The following RNF44 variants were observed in gnomAD, a reference collection of about 807,000 sequenced individuals.
RNF44 encodes the protein ring finger protein 44.
RNF44 carries 25 observed loss-of-function variants against 53.6 expected under a neutral mutation model. That is an observed-to-expected ratio of 0.47 (90% confidence interval 0.34 to 0.65). RNF44 has a LOEUF of 0.65. RNF44 is among the 30% of genes least tolerant of loss of function. RNF44 has a pLI of 0.01. For synonymous variants in RNF44, 282 were observed against 252.2 expected, an observed-to-expected ratio of 1.12 and a Z score of -1.12; for missense variants, 581 against 595.5, an observed-to-expected ratio of 0.98 and a Z score of 0.25.
chr5:176,529,695 C>A, intron 8 of RNF44, 36 bp downstream of exon 8: 1 of 1,610,446 alleles, frequency 6.2e-7, no homozygotes, highest in Non-Finnish European at 8.5e-7. Context: ...TGCAGGTCTC[C>A]CAAACCCCAC....
rs1441185681 is a variant in RNF44 at position 176,528,768 on chromosome 5, G to A, written c.*260C>T. 8.9e-6 allele frequency: 5 copies of A among 564,396 alleles called. No individual in the cohort carries two copies. In the East Asian group the frequency reaches 1.2e-4, roughly 13 times the overall value. 35.0% of individuals were successfully genotyped at this position (564,396 alleles called of 1,614,324 possible). A position where few individuals can be genotyped will look rare whatever the true frequency, so the allele number is the denominator to read the frequency against. On this transcript the variant is annotated 3_prime_UTR_variant, in exon 11 of 11. Transcript: ENST00000274811. ...GGAGGGACCTGAGGGTGCACAGGAG[G>A]GAGACCCGATCAGGGACACTCAGGC...
Position 176,530,975 on chromosome 5 carries a change from G to A in RNF44, c.512C>T (p.Ala171Val), listed in dbSNP as rs1171807558. The A allele has an allele frequency of 1.4e-5, 20 of 1,457,812 alleles. 1 individual carries two copies. The South Asian group carries it at 3.0e-4, about 22-fold the overall frequency. The allele number at this position is 1,457,812 out of a possible 1,614,324, so 90.3% of individuals were successfully genotyped here. A position where few individuals can be genotyped will look rare whatever the true frequency, so the allele number is the denominator to read the frequency against. ...TMQQLPVPYQ[A>V]YPHLISSDHY... ...GTCACTGGAGATGAGGTGGGGGTAG[G>A]CCTGATAGGGCACAGGCAGCTGCTG... Residue 171 changes from alanine to valine, a missense_variant, in exon 5 of 11, where the codon GCC (alanine) becomes GTC (valine). Coordinates refer to ENST00000274811, the MANE Select transcript of RNF44 (RefSeq NM_014901.5).
chr5:176,540,132 C>T (rs556887801), upstream of RNF44, among the ~76,000 whole-genome samples: 145 of 152,310 alleles, frequency 9.5e-4, no homozygotes, highest in African/African-American at 3.3e-3. Context: ...ATTTAATTTG[C>T]ACACAGTCCT....
In RNF44 at chr5:176,532,164, G is replaced by A. The variant is rs756410028; in HGVS notation, c.137C>T (p.Pro46Leu). The stretch of plus-strand genomic sequence containing the variant: ...GGGTAAGCGCTCATCCCGGGCAGGC[G>A]GGCTGGCCAGGGGGCCCTCGAGGCC... ...SPGLEGPLAS[P>L]PARDERLPSQ... The change falls in exon 3 of 11, where the codon CCG becomes CTG. Residue 46 changes from proline to leucine, a missense_variant. Physicochemically the swap from Pro to Leu is moderately conservative, Grantham distance 98. Transcript: ENST00000274811. 3.6e-5 allele frequency: 56 copies of A among 1,547,918 alleles called. No individual in the cohort carries two copies. In the Admixed American group the frequency reaches 5.4e-4, roughly 15 times the overall value.
At position 176,537,210 on chromosome 5, in the gene RNF44, GGCGCAGGACGCAGCTGGGTCT is replaced by G. The variant is rs1458586260; in HGVS notation, c.-336_-316del. 3 of 152,344 alleles carry G rather than the reference GGCGCAGGACGCAGCTGGGTCT, an allele frequency of 2.0e-5. No homozygotes were observed. The highest frequency in any genetic ancestry group is 7.2e-5 in the African/African-American group (3 of 41,456). 9.4% of individuals were successfully genotyped at this position (152,344 alleles called of 1,614,324 possible). A position where few individuals can be genotyped will look rare whatever the true frequency, so the allele number is the denominator to read the frequency against. On this transcript the variant is annotated 5_prime_UTR_variant, in exon 1 of 11. Coordinates refer to ENST00000274811, the MANE Select transcript of RNF44 (RefSeq NM_014901.5). ...CCCAGGCCCTCAGGGAGCGGGAGGC[GGCGCAGGACGCAGCTGGGTCT>G]GCGCGGCAGCCGGCGGCTGGCCCTT...
chr5:176,537,662 C>T (rs1757319561), upstream of RNF44: 2 of 152,214 alleles, frequency 1.3e-5, no homozygotes, highest in South Asian at 2.1e-4. Flanking sequence ...TAACTACTCG[C>T]GCCTCTGAGG....
upstream of RNF44, among the ~76,000 whole-genome samples, chr5:176,539,393 G>A (rs960473125): frequency 5.3e-5 from 8 of 152,138 alleles, no homozygotes; most frequent in African/African-American, 1.7e-4. Context: ...AAAGCAATTT[G>A]AAAACCCTCC....
chr5:176,530,107 A>G lies in RNF44; in HGVS notation c.901T>C (p.Tyr301His). The stretch of plus-strand genomic sequence containing the variant: ...AGGAAGTAGGGCAGGAAGCTGGGGT[A>G]GTAGGGTGGTGGGGGTGGGGGTGGG... ...PPPPPPPPPYYPSFLPYFLSM... is the reference protein window; with the variant it reads ...PPPPPPPPPYHPSFLPYFLSM... Residue 301 changes from tyrosine (Y) to histidine (H), a missense_variant, in exon 7 of 11, where the codon TAC (tyrosine) becomes CAC (histidine). By Grantham distance (83) the Tyr-to-His change is moderately conservative. Around this residue, in one of 3 missense-constraint regions of RNF44, gnomAD observed 183 missense variants for 198.6 expected, o/e 0.92. Coordinates refer to ENST00000274811, the MANE Select transcript of RNF44 (RefSeq NM_014901.5). 1.8e-6 allele frequency: 1 copy of G among 556,478 alleles called. No homozygotes were observed. The highest frequency in any genetic ancestry group is 2.1e-6 in the Non-Finnish European group (1 of 479,748). The allele number at this position is 556,478 out of a possible 1,614,324, so 34.5% of individuals were successfully genotyped here.
At chr5:176,536,154 T>C (rs374881380) in intron 1 of RNF44, 1 of 152,230 alleles carries the variant, frequency 6.6e-6, no homozygotes, top group Non-Finnish European at 1.5e-5. Flanking sequence ...ACAAGCAGGC[T>C]CTGCCCAGCG....
In RNF44 at chr5:176,532,451, C is replaced by T; in HGVS notation, c.22G>A (p.Val8Met). 6.3e-7 allele frequency: 1 copy of T among 1,595,018 alleles called. No individual in the cohort carries two copies. The highest frequency in any genetic ancestry group is 8.5e-7 in the Non-Finnish European group (1 of 1,173,794). Residue 8 changes from valine (V) to methionine (M), a missense_variant, in exon 2 of 11, where the codon GTG (valine) becomes ATG (methionine). Coordinates refer to ENST00000274811, the MANE Select transcript of RNF44 (RefSeq NM_014901.5). MRPWALA[V>M]TRWPPSAPVG... Reference sequence around the variant, plus strand: ...GGGGCGGAGGGTGGCCACCTAGTCACTGCCAGAGCCCATGGTCGCATCGGG... The same window carrying T: ...GGGGCGGAGGGTGGCCACCTAGTCATTGCCAGAGCCCATGGTCGCATCGGG...
At position 176,532,083 on chromosome 5, in the gene RNF44, G is replaced by C; in HGVS notation, c.218C>G (p.Ser73Trp). The C allele has an allele frequency of 6.2e-7, 1 of 1,604,388 alleles. No homozygotes were observed. Among genetic ancestry groups the C allele is most frequent in the South Asian group, 1.1e-5 (1 of 89,742 alleles). Residue 73 changes from serine (S) to tryptophan (W), a missense_variant, in exon 3 of 11, where the codon TCG becomes TGG. Ser to Trp is a radical substitution (Grantham distance 177, BLOSUM62 -3). Around this residue, in one of 3 missense-constraint regions of RNF44, gnomAD observed 387 missense variants for 366.0 expected, o/e 1.06. Transcript: ENST00000274811. ...PHLPVEERRA[S>W]APAGGSPRML... ...TCGGGGGCTCCCGCCGGCAGGAGCC[G>C]AGGCTCGGCGCTCCTCTACGGGGAG...
Position 176,529,043 on chromosome 5 carries a change from G to A in RNF44, c.1284C>T (p.Pro428=), listed in dbSNP as rs1468639501. ...CTGCGTGGCCTCACTCAGCCTCCCT[G>A]GGCACCTCGGAGGCGTCGGCCCGGC... The part of the protein sequence containing the change: ...PICRADASEV[P]REAE The change falls in exon 11 of 11, where the codon CCC becomes CCT. Residue 428 remains proline, a synonymous_variant. Transcript: ENST00000274811. 4 of 1,612,684 alleles carry A rather than the reference G, an allele frequency of 2.5e-6. No individual in the cohort carries two copies. The highest frequency in any genetic ancestry group is 1.1e-5 in the South Asian group (1 of 91,018).
At chr5:176,541,648 G>A (rs940697499), upstream of RNF44, among the ~76,000 whole-genome samples, 1 of 152,140 alleles carries the variant, frequency 6.6e-6, no homozygotes, top group African/African-American at 2.4e-5. Flanking sequence ...AGAGGAGGGC[G>A]TGGCCATGTT....
upstream of RNF44, among the ~76,000 whole-genome samples, chr5:176,541,942 A>C (rs1757456927): frequency 6.6e-6 from 1 of 152,138 alleles, no homozygotes; most frequent in Admixed American, 6.5e-5. Flanking sequence ...CTCACACACC[A>C]GGGAGGGAGT....
At position 176,528,817 on chromosome 5, in the gene RNF44, A is replaced by G; in HGVS notation, c.*211T>C. ...GCAGCTCCGTGGCGGGCGGGCAGGC[A>G]GGCAGACTAGGGAGGGAGTCTTTGG... On this transcript the variant is annotated 3_prime_UTR_variant, in exon 11 of 11. Coordinates refer to ENST00000274811, the MANE Select transcript of RNF44 (RefSeq NM_014901.5). 1 of 593,410 alleles carries G rather than the reference A, an allele frequency of 1.7e-6. No individual in the cohort carries two copies. The highest frequency in any genetic ancestry group is 2.8e-5 in the East Asian group (1 of 35,322). 36.8% of individuals were successfully genotyped at this position (593,410 alleles called of 1,614,324 possible). A position where few individuals can be genotyped will look rare whatever the true frequency, so the allele number is the denominator to read the frequency against.
At position 176,527,894 on chromosome 5, in the gene RNF44, T is replaced by A. The variant is rs1283352333; in HGVS notation, c.*1134A>T. 2.0e-5 allele frequency: 3 copies of A among 152,142 alleles called. No homozygotes were observed. Among genetic ancestry groups the A allele is most frequent in the Admixed American group, 2.0e-4 (3 of 15,258 alleles). The allele number at this position is 152,142 out of a possible 1,614,324, so 9.4% of individuals were successfully genotyped here. On this transcript the variant is annotated 3_prime_UTR_variant, in exon 11 of 11. Transcript: ENST00000274811. ...GGTCCCCATCCTCCTGGGACTTCCT[T>A]GGAGGAGATTCGCCCAGGCAGGTGG...
chr5:176,534,444 C>CAA (rs747228791), intron 1 of RNF44, among the ~76,000 whole-genome samples: 2 of 152,234 alleles, frequency 1.3e-5, no homozygotes, highest in African/African-American at 2.4e-5. Flanking sequence ...CATGTCTACA[C>CAA]ACACAGCCTC....
rs1756430360 is a variant in RNF44 at position 176,530,133 on chromosome 5, G to GGTGGGC, written c.874_875insGCCCAC (p.Pro291_Pro292insArgPro). 2 of 738,150 alleles carry GGTGGGC rather than the reference G, an allele frequency of 2.7e-6. No homozygotes were observed. Among genetic ancestry groups the GGTGGGC allele is most frequent in the African/African-American group, 4.0e-5 (2 of 50,368 alleles). 45.7% of individuals were successfully genotyped at this position (738,150 alleles called of 1,614,324 possible). ...GTAGGGTGGTGGGGGTGGGGGTGGG[G>GGTGGGC]GCGGCGGGGGCAGTGGCTGCTGCAG... is the stretch of plus-strand genomic sequence containing the variant. On this transcript the variant is annotated inframe_insertion, in exon 7 of 11. Transcript: ENST00000274811.
rs756130335 is a variant in RNF44, at chr5:176,532,070, G to A, written c.231C>T (p.Gly77=). The A allele has an allele frequency of 3.4e-5, 54 of 1,605,680 alleles. No homozygotes were observed. The highest frequency in any genetic ancestry group is 1.7e-4 in the Admixed American group (10 of 58,126). ...CTGGGTGCAGCATTCGGGGGCTCCC[G>A]CCGGCAGGAGCCGAGGCTCGGCGCT... ...VEERRASAPA[G]GSPRMLHPAT... is the part of the protein sequence containing the mutation. Residue 77 remains glycine (G), a synonymous_variant, in exon 3 of 11, where the codon GGC becomes GGT. Coordinates refer to ENST00000274811, the MANE Select transcript of RNF44 (RefSeq NM_014901.5).
Sources: gnomAD v4.1 joint callset for allele counts (sites outside exome capture counted in the v4.1 genomes callset) on GRCh38, gnomAD v4.1.1 for gene constraint, gnomAD v4.1.1 regional missense constraint, MANE v1.5 for transcripts, NCBI Gene and HGNC (gene_info 2026-07-23, HGNC 2026-07-21) for gene names.